The following SMOC2 variants were observed in gnomAD, a reference collection of about 807,000 sequenced individuals.
SMOC2 encodes the protein SPARC-related modular calcium-binding protein 2.
A neutral mutation model predicts 61.4 loss-of-function variants in SMOC2; 39 were observed. The observed-to-expected ratio is 0.64, with a 90% CI of 0.49 to 0.83. The LOEUF is 0.83. SMOC2 is among the 40% of genes least tolerant of loss of function. The pLI, the probability that SMOC2 is intolerant of heterozygous loss-of-function variation, is 0.00. For missense variants in SMOC2, 556 were observed against 592.9 expected (o/e 0.94, Z 0.65); for synonymous variants, 247 against 239.9 (o/e 1.03, Z -0.27).
intron 9 of SMOC2, among the ~76,000 whole-genome samples, chr6:168,632,463 G>T (rs1424344591): frequency 1.3e-5 from 2 of 152,228 alleles, no homozygotes; most frequent in Non-Finnish European, 2.9e-5. Flanking sequence ...GAGAGTTGAT[G>T]AAATTATCTA....
chr6:168,639,725 G>A (rs934351786), intron 9 of SMOC2, among the ~76,000 whole-genome samples: 81 of 145,906 alleles, frequency 5.6e-4, no homozygotes, highest in African/African-American at 1.7e-3. Context: ...ACCAGAGTCC[G>A]CCAGGCAGGT....
At chr6:168,623,327 TA>T (rs753457970) in intron 9 of SMOC2, among the ~76,000 whole-genome samples, 21 of 132,328 alleles carry the variant, frequency 1.6e-4, no homozygotes, top group African/African-American at 4.9e-4. Flanking sequence ...CATGGATAAT[TA>T]ATTTTTTTTT....
chr6:168,537,694 G>A (rs1783765377), intron 4 of SMOC2, among the ~76,000 whole-genome samples: 1 of 152,138 alleles, frequency 6.6e-6, no homozygotes, highest in Non-Finnish European at 1.5e-5. Context: ...CCCTGGGGCC[G>A]AGAGACATAT....
intron 4 of SMOC2, among the ~76,000 whole-genome samples, chr6:168,531,809 T>C (rs985224399): frequency 1.3e-5 from 2 of 152,226 alleles, no homozygotes; most frequent in African/African-American, 4.8e-5. Flanking sequence ...GATGTAAACC[T>C]ACATCTTTGT....
chr6:168,530,300 A>T (rs2115080171), intron 4 of SMOC2, among the ~76,000 whole-genome samples: 1 of 152,296 alleles, frequency 6.6e-6, no homozygotes, highest in African/African-American at 2.4e-5. Context: ...CCAGCTTTTC[A>T]GTTGTCTCAG....
chr6:168,623,975 G>A (rs1198486393), intron 9 of SMOC2, among the ~76,000 whole-genome samples: 2 of 152,140 alleles, frequency 1.3e-5, no homozygotes, highest in Non-Finnish European at 2.9e-5. Flanking sequence ...GGCTGGGTGG[G>A]GCATCGCCGC....
chr6:168,571,234 A>T (rs1443684994), intron 7 of SMOC2, among the ~76,000 whole-genome samples: 1 of 152,250 alleles, frequency 6.6e-6, no homozygotes, highest in African/African-American at 2.4e-5. Flanking sequence ...AGATATTAAC[A>T]AGCAAGGAAA....
intron 7 of SMOC2, among the ~76,000 whole-genome samples, chr6:168,564,456 T>G (rs545460671): frequency 1.3e-5 from 2 of 152,320 alleles, no homozygotes; most frequent in South Asian, 4.1e-4. Flanking sequence ...TTGTTTGTCT[T>G]TAACTTGTAT....
chr6:168,490,934 G>T lies in SMOC2; in HGVS notation c.85-18981G>T, dbSNP rs1782458116. On this transcript the variant is annotated intron_variant, in intron 1 of 12. Coordinates refer to ENST00000356284, the MANE Select transcript of SMOC2 (RefSeq NM_001166412.2). ...TTGAGACACGGCAGGGCAGCTGGGG[G>T]CAGCGGGGGCGGCTGGTCTCACTCA... Among the ~76,000 whole-genome samples, 5 of 152,194 alleles carry T rather than the reference G, an allele frequency of 3.3e-5. No individual in the cohort carries two copies. In the South Asian group the frequency reaches 6.2e-4, roughly 19 times the overall value.
rs1781494738 is a variant in SMOC2 at position 168,452,869 on chromosome 6, T to C, written c.84+11415T>C. On this transcript the variant is annotated intron_variant, in intron 1 of 12. Transcript: ENST00000356284. This position sits in a 1 kb window ranked among gnomAD's most constrained non-coding sequence, Gnocchi z 5.0. ...CGAGGCTTTTGTCCTGCTCTGCTCC[T>C]GGAGGCTGACACGAGGCTGACTCCC... is the stretch of plus-strand genomic sequence containing the variant. Among the ~76,000 whole-genome samples, 3 of 152,382 alleles carry C rather than the reference T, an allele frequency of 2.0e-5. No individual in the cohort carries two copies. The highest frequency in any genetic ancestry group is 2.0e-4 in the Admixed American group (3 of 15,312).
In SMOC2 at chr6:168,510,050, C is replaced by G; in HGVS notation, c.220C>G (p.Pro74Ala). 1.2e-6 allele frequency: 2 copies of G among 1,614,204 alleles called. No homozygotes were observed. Among genetic ancestry groups the G allele is most frequent in the Non-Finnish European group, 1.7e-6 (2 of 1,180,036 alleles). Residue 74 changes from proline (P) to alanine (A), a missense_variant, in exon 2 of 13, where the codon CCC (proline) becomes GCC (alanine). Pro to Ala is a conservative substitution (Grantham distance 27). Transcript: ENST00000356284. Reference sequence around the variant, plus strand: ...ATTTCAACGTGCCAAGTGCAAAGATCCCCAGCTAGAGATTGCATATCGAGG... The same window carrying G: ...ATTTCAACGTGCCAAGTGCAAAGATGCCCAGCTAGAGATTGCATATCGAGG... ...CEFQRAKCKD[P>A]QLEIAYRGNC... is the part of the protein sequence containing the mutation.
chr6:168,647,221 T>C (rs4708483), intron 9 of SMOC2, among the ~76,000 whole-genome samples: 121,169 of 152,138 alleles, frequency 0.8, 48,569 homozygotes, highest in Admixed American at 0.84. Flanking sequence ...TGAGCCTGCA[T>C]GCGGCAGTTT....
At chr6:168,573,312 G>A (rs539314586) in intron 7 of SMOC2, among the ~76,000 whole-genome samples, 2 of 96,238 alleles carry the variant, frequency 2.1e-5, no homozygotes, top group South Asian at 8.1e-4. Flanking sequence ...CCCGGGTGCC[G>A]GGACCAGGGC....
chr6:168,470,301 G>GA (rs1221735495), intron 1 of SMOC2, among the ~76,000 whole-genome samples: 2 of 152,232 alleles, frequency 1.3e-5, no homozygotes, highest in Admixed American at 6.5e-5. Flanking sequence ...ACATTTTAAT[G>GA]AAAAAATACC....
chr6:168,639,159 CTCAG>C (rs1277268264), intron 9 of SMOC2, among the ~76,000 whole-genome samples: 1 of 152,142 alleles, frequency 6.6e-6, no homozygotes, highest in Non-Finnish European at 1.5e-5. Context: ...ACTCTGGCGT[CTCAG>C]TCATTGAATC....
chr6:168,452,589 T>C lies in SMOC2; in HGVS notation c.84+11135T>C, dbSNP rs1781489204. Among the ~76,000 whole-genome samples, 1 of 152,190 alleles carries C rather than the reference T, an allele frequency of 6.6e-6. No homozygotes were observed. The highest frequency in any genetic ancestry group is 6.5e-5 in the Admixed American group (1 of 15,284). On this transcript the variant is annotated intron_variant, in intron 1 of 12. Transcript: ENST00000356284. This position sits in a 1 kb window ranked among gnomAD's most constrained non-coding sequence, Gnocchi z 5.0. ...GAGGGATTTTAACCCAAAAGAACAA[T>C]AAGTGCAGCAAATCAAAATTTCTGT...
intron 9 of SMOC2, among the ~76,000 whole-genome samples, chr6:168,649,173 T>C (rs1460321928): frequency 6.6e-6 from 1 of 152,218 alleles, no homozygotes; most frequent in Non-Finnish European, 1.5e-5. Flanking sequence ...GCTTTCTGCC[T>C]GGGCTCTGCA....
rs139938586 is a variant in SMOC2 at position 168,516,079 on chromosome 6, GATAGTTCT to G, written c.256+5998_256+6005del. On this transcript the variant is annotated intron_variant, in intron 2 of 12. Transcript: ENST00000356284. ...GGGCATTTTTACATTTTTGGTGGGT[GATAGTTCT>G]ATAGGCCTGTCTCTTTTGGATGTAC... is the stretch of plus-strand genomic sequence containing the variant. 5.6e-3 allele frequency among the ~76,000 whole-genome samples: 853 copies of G among 152,252 alleles called. 10 individuals carry two copies. Among genetic ancestry groups the G allele is most frequent in the African/African-American group, 0.019 (801 of 41,530 alleles).
chr6:168,552,110 C>T (rs1784142286), intron 7 of SMOC2, among the ~76,000 whole-genome samples: 1 of 152,132 alleles, frequency 6.6e-6, no homozygotes, highest in Admixed American at 6.5e-5. Context: ...TGTTTAATAC[C>T]AGTTTTCTAG....
Sources: gnomAD v4.1 joint callset for allele counts (sites outside exome capture counted in the v4.1 genomes callset) on GRCh38, gnomAD v4.1.1 for gene constraint, Gnocchi (gnomAD v3.1) non-coding constraint, MANE v1.5 for transcripts, NCBI Gene and HGNC (gene_info 2026-07-23, HGNC 2026-07-21) for gene names.